EML6: variants seen among roughly 807,000 people sequenced by gnomAD.
EML6 encodes echinoderm microtubule-associated protein-like 6.
In EML6, 154 loss-of-function variants were observed where a neutral mutation model predicts 240.1. The observed-to-expected ratio is 0.64, with a 90% CI of 0.56 to 0.73. The LOEUF is 0.73. Among genes scored for constraint, EML6 ranks in the 30% least tolerant of loss-of-function variants. The pLI, the probability that EML6 is intolerant of heterozygous loss-of-function variation, is 0.00. For synonymous variants in EML6, 1,148 were observed against 899.0 expected (o/e 1.28, Z -4.95); for missense variants, 2,964 against 2,474.6 (o/e 1.20, Z -4.20).
rs1013367117 is a variant in EML6 at position 54,797,187 on chromosome 2, A to C, written c.198-16045A>C. Among the ~76,000 whole-genome samples, 192 of 149,564 alleles carry C rather than the reference A, an allele frequency of 1.3e-3. 1 individual carries two copies. Among genetic ancestry groups the C allele is most frequent in the African/African-American group, 4.4e-3 (181 of 40,750 alleles). ...CTCAAAAAAAAAAAAAAAAAAAAAA[A>C]AACTGTGATCTTGTAGGTCTAAGGT... is the stretch of plus-strand genomic sequence containing the variant. On this transcript the variant is annotated intron_variant, in intron 2 of 41. Coordinates refer to ENST00000356458, the MANE Select transcript of EML6 (RefSeq NM_001039753.4).
intron 14 of EML6, 165 bp downstream of exon 14, chr2:54,867,049 T>G (rs1290938540): frequency 4.0e-6 from 2 of 499,186 alleles, no homozygotes; most frequent in African/African-American, 3.8e-5. Flanking sequence ...ATTTTAAGTG[T>G]GACTCTCTAT....
chr2:54,848,945 A>G (rs1472793640), intron 9 of EML6, among the ~76,000 whole-genome samples: 2 of 152,230 alleles, frequency 1.3e-5, no homozygotes, highest in African/African-American at 2.4e-5. Flanking sequence ...GACAATAGGT[A>G]TCAAGCTTAA....
intron 6 of EML6, among the ~76,000 whole-genome samples, chr2:54,828,223 G>T (rs530425860): frequency 8.5e-5 from 13 of 152,306 alleles, no homozygotes; most frequent in African/African-American, 3.1e-4. Flanking sequence ...TTATGTTGAG[G>T]TGCCAGGGTG....
At chr2:54,849,117 A>T (rs184753416) in intron 9 of EML6, among the ~76,000 whole-genome samples, 236 of 152,350 alleles carry the variant, frequency 1.5e-3, no homozygotes, top group African/African-American at 5.5e-3. Flanking sequence ...ATGAAAGCAA[A>T]TGTGCATTTC....
chr2:54,771,161 A>C (rs1668384935), intron 2 of EML6, among the ~76,000 whole-genome samples: 1 of 152,178 alleles, frequency 6.6e-6, no homozygotes. Context: ...TGAGCAGTTA[A>C]TGGCGTGCTA....
At chr2:54,885,037 G>C (rs554133851) in intron 17 of EML6, among the ~76,000 whole-genome samples, 1 of 152,132 alleles carries the variant, frequency 6.6e-6, no homozygotes, top group Admixed American at 6.5e-5. Context: ...TGGTGCTGTA[G>C]TCCCAGCTGC....
chr2:54,957,951 C>G lies in EML6; in HGVS notation c.4648C>G (p.Leu1550Val). ...TTACAAGAAAGGGGTCATCGGGTCCCTGGGAGCTGCCAAAATGCAGACGAT... is the reference window on the plus strand; with the variant it reads ...TTACAAGAAAGGGGTCATCGGGTCCGTGGGAGCTGCCAAAATGCAGACGAT... The part of the protein sequence containing the change: ...LLYKKGVIGS[L>V]GAAKMQTMLS... The change falls in exon 33 of 42, where the codon CTG (leucine) becomes GTG (valine). Residue 1550 changes from leucine (L) to valine (V), a missense_variant. By Grantham distance (32) the Leu-to-Val change is conservative (BLOSUM62 1). Coordinates refer to ENST00000356458, the MANE Select transcript of EML6 (RefSeq NM_001039753.4). The G allele has an allele frequency of 6.4e-7, 1 of 1,551,576 alleles. No individual in the cohort carries two copies. Among genetic ancestry groups the G allele is most frequent in the Non-Finnish European group, 8.7e-7 (1 of 1,146,934 alleles).
intron 2 of EML6, among the ~76,000 whole-genome samples, chr2:54,812,038 A>G (rs1667872774): frequency 6.6e-6 from 1 of 152,226 alleles, no homozygotes; most frequent in Admixed American, 6.5e-5. Context: ...TGGAAGCCAT[A>G]TTATATTCAC....
At chr2:54,846,520 G>A (rs902559016) in intron 8 of EML6, among the ~76,000 whole-genome samples, 1 of 145,508 alleles carries the variant, frequency 6.9e-6, no homozygotes, top group East Asian at 2.0e-4. Context: ...GCCTTGCTCT[G>A]TTTCCCAGGC....
Position 54,772,605 on chromosome 2 carries a change from T to G in EML6, c.198-40627T>G, listed in dbSNP as rs1342087827. Among the ~76,000 whole-genome samples the G allele has an allele frequency of 3.7e-4, 57 of 152,370 alleles. 1 individual carries two copies. Among genetic ancestry groups the G allele is most frequent in the Non-Finnish European group, 1.3e-4 (9 of 68,032 alleles). On this transcript the variant is annotated intron_variant, in intron 2 of 41. Coordinates refer to ENST00000356458, the MANE Select transcript of EML6 (RefSeq NM_001039753.4). ...AAAAATTTACTGAATGCCTACCATG[T>G]GCTGTGTGTGTATGTACATTCCCTT...
chr2:54,749,082 C>A (rs1019381856), intron 2 of EML6, among the ~76,000 whole-genome samples: 1 of 152,136 alleles, frequency 6.6e-6, no homozygotes, highest in African/African-American at 2.4e-5. Context: ...TAGATGTTGA[C>A]AAATTGCCTT....
Position 54,916,795 on chromosome 2 carries a change from CT to C in EML6, c.3536del (p.Leu1179ArgfsTer15). On this transcript the variant is annotated frameshift_variant, in exon 26 of 42. Coordinates refer to ENST00000356458, the MANE Select transcript of EML6 (RefSeq NM_001039753.4). LOFTEE classifies it high-confidence loss of function. ...KIEWDTWTCV[L>X]GPTCEGIWPA... is the part of the protein sequence containing the mutation. The stretch of plus-strand genomic sequence containing the variant: ...AGAGTGGGACACATGGACCTGTGTC[CT>C]GGGGCCCACCTGTGAGGGAATCTGG... 3 of 1,542,966 alleles carry C rather than the reference CT, an allele frequency of 1.9e-6. No individual in the cohort carries two copies. Among genetic ancestry groups the C allele is most frequent in the Non-Finnish European group, 2.6e-6 (3 of 1,140,284 alleles).
At chr2:54,753,199 A>G (rs1291595726) in intron 2 of EML6, among the ~76,000 whole-genome samples, 1 of 152,138 alleles carries the variant, frequency 6.6e-6, no homozygotes, top group Non-Finnish European at 1.5e-5. Flanking sequence ...TGTCTTTTTC[A>G]GTTTTAATTA....
intron 24 of EML6, among the ~76,000 whole-genome samples, chr2:54,903,756 T>C (rs1348750910): frequency 6.6e-6 from 1 of 152,246 alleles, no homozygotes; most frequent in African/African-American, 2.4e-5. Context: ...CAGTTAAAGA[T>C]ACATGATGCC....
chr2:54,860,922 G>A (rs1045699821), intron 12 of EML6, among the ~76,000 whole-genome samples: 1 of 152,188 alleles, frequency 6.6e-6, no homozygotes, highest in Admixed American at 6.5e-5. Flanking sequence ...GAAGGGACTA[G>A]GAATATTCTA....
At position 54,899,649 on chromosome 2, in the gene EML6, G is replaced by A. The variant is rs1468425154; in HGVS notation, c.2991G>A (p.Met997Ile). 6.4e-7 allele frequency: 1 copy of A among 1,553,324 alleles called. No individual in the cohort carries two copies. The highest frequency in any genetic ancestry group is 8.7e-7 in the Non-Finnish European group (1 of 1,147,882). Residue 997 changes from methionine to isoleucine, a missense_variant, in exon 22 of 42, where the codon ATG (methionine) becomes ATA (isoleucine). Coordinates refer to ENST00000356458, the MANE Select transcript of EML6 (RefSeq NM_001039753.4). ...CTTTTCCTCTCCCACAGGGGCACAT[G>A]GAAGGAGAAGTGTGGGGGTTGGCAG... ...GPMTLLVQGHMEGEVWGLAAH... is the reference protein window; with the variant it reads ...GPMTLLVQGHIEGEVWGLAAH...
At chr2:54,805,104 A>G (rs1317092167) in intron 2 of EML6, among the ~76,000 whole-genome samples, 3 of 152,188 alleles carry the variant, frequency 2.0e-5, no homozygotes, top group Non-Finnish European at 2.9e-5. Context: ...CTTTCACTCA[A>G]TGTAATATTT....
intron 26 of EML6, among the ~76,000 whole-genome samples, chr2:54,918,009 T>A (rs1003187587): frequency 6.6e-6 from 1 of 152,244 alleles, no homozygotes; most frequent in Non-Finnish European, 1.5e-5. Flanking sequence ...ATTGGCCCTT[T>A]TGGCTGCCAC....
At position 54,850,122 on chromosome 2, in the gene EML6, T is replaced by C; in HGVS notation, c.1348T>C (p.Ser450Pro). 6.4e-6 allele frequency: 10 copies of C among 1,551,960 alleles called. No individual in the cohort carries two copies. The highest frequency in any genetic ancestry group is 8.7e-6 in the Non-Finnish European group (10 of 1,147,014). The stretch of plus-strand genomic sequence containing the variant: ...TAAGAAAATTGGAGAATGCAGCAAG[T>C]CCCTTAGTTTCATCACGCATATTGA... ...RYKKIGECSK[S>P]LSFITHIDWS... The change falls in exon 10 of 42, where the codon TCC becomes CCC. Residue 450 changes from serine to proline, a missense_variant. Physicochemically the swap from Ser to Pro is moderately conservative, Grantham distance 74 (BLOSUM62 -1). Transcript: ENST00000356458.
Sources: allele counts gnomAD v4.1 joint callset (sites outside exome capture counted in the v4.1 genomes callset), GRCh38; gene constraint gnomAD v4.1.1; transcripts MANE v1.5; gene names NCBI Gene and HGNC (gene_info 2026-07-23, HGNC 2026-07-21).